SYAP1: variants seen among roughly 807,000 people sequenced by gnomAD.
SYAP1 encodes the protein synapse-associated protein 1.
A neutral mutation model predicts 29.6 loss-of-function variants in SYAP1; 3 were observed. That is an observed-to-expected ratio of 0.10 (90% CI 0.05 to 0.26). The LOEUF (loss-of-function observed/expected upper bound fraction) is 0.26. Ranked by LOEUF, SYAP1 falls within the 10% of genes least tolerant of loss-of-function variation. The pLI is 1.00. For synonymous variants in SYAP1, 102 were observed against 102.7 expected (o/e 0.99, Z 0.04); for missense variants, 217 against 264.1 (o/e 0.82, Z 1.24).
In SYAP1 at chrX:16,762,009, C is replaced by G. The variant is rs914348264; in HGVS notation, c.*1650C>G. ...GTCTCTTGGGTTATAGCAGTAAACC[C>G]GTGTATTCCATGAAACCACTGGGCC... On this transcript the variant is annotated 3_prime_UTR_variant, in exon 9 of 9. Coordinates refer to ENST00000380155, the MANE Select transcript of SYAP1 (RefSeq NM_032796.4). The G allele has an allele frequency of 4.5e-5, 5 of 111,554 alleles. No homozygotes were observed. 9.2% of individuals were successfully genotyped at this position (111,554 alleles called of 1,213,427 possible). A position where few individuals can be genotyped will look rare whatever the true frequency, so the allele number is the denominator to read the frequency against.
intron 1 of SYAP1, among the ~76,000 whole-genome samples, chrX:16,724,110 G>C (rs768855221): frequency 2.7e-5 from 3 of 112,223 alleles, no homozygotes; most frequent in Non-Finnish European, 5.6e-5. Context: ...ATTCATGGCC[G>C]TGATGTATTG....
At chrX:16,758,135 C>T (rs1386853878) in intron 8 of SYAP1, among the ~76,000 whole-genome samples, 2 of 110,797 alleles carry the variant, frequency 1.8e-5, no homozygotes, top group Non-Finnish European at 3.8e-5. Context: ...CCTCAAACTC[C>T]TAGGCTCACA....
chrX:16,738,697 C>T (rs1926382225), intron 3 of SYAP1, among the ~76,000 whole-genome samples: 1 of 110,990 alleles, frequency 9.0e-6, no homozygotes, highest in African/African-American at 3.3e-5. Flanking sequence ...AAACAGTGCC[C>T]GTTTACCCAA....
chrX:16,745,646 G>A (rs1474593235), intron 5 of SYAP1, among the ~76,000 whole-genome samples: 1 of 108,440 alleles, frequency 9.2e-6, no homozygotes, highest in East Asian at 2.9e-4. Flanking sequence ...TGAGGCAGGA[G>A]AATTGCTTGA....
In SYAP1 at chrX:16,741,737, T is replaced by C; in HGVS notation, c.383T>C (p.Val128Ala). 1 of 1,207,272 alleles carries C rather than the reference T, an allele frequency of 8.3e-7. No homozygotes were observed. Among genetic ancestry groups the C allele is most frequent in the Non-Finnish European group, 1.1e-6 (1 of 893,581 alleles). ...KKSEAAVPPW[V>A]DTNDEETIQQ... ...ATAGAAGCAGCTGTGCCCCCATGGG[T>C]TGACACTAACGATGAAGAAACAATT... Residue 128 changes from valine to alanine, a missense_variant, in exon 4 of 9, where the codon GTT becomes GCT. Physicochemically the swap from Val to Ala is moderately conservative, Grantham distance 64. Coordinates refer to ENST00000380155, the MANE Select transcript of SYAP1 (RefSeq NM_032796.4).
chrX:16,756,806 A>G, intron 7 of SYAP1, 85 bp downstream of exon 7: 2 of 918,916 alleles, frequency 2.2e-6, no homozygotes, highest in Non-Finnish European at 3.1e-6. Flanking sequence ...ATTTAAAACT[A>G]TGTATGAATA....
At chrX:16,753,934 G>T (rs908587830) in intron 5 of SYAP1, among the ~76,000 whole-genome samples, 1 of 110,169 alleles carries the variant, frequency 9.1e-6, no homozygotes, top group African/African-American at 3.3e-5. Context: ...TCCCTGCTTG[G>T]TTCTCACTCT....
At chrX:16,740,756 A>G (rs190492858) in intron 3 of SYAP1, among the ~76,000 whole-genome samples, 1 of 111,303 alleles carries the variant, frequency 9.0e-6, no homozygotes, top group African/African-American at 3.3e-5. Context: ...GGCATTAGGA[A>G]ATTTCACCTT....
chrX:16,741,288 C>T (rs1248146876), intron 3 of SYAP1, among the ~76,000 whole-genome samples: 1 of 111,118 alleles, frequency 9.0e-6, no homozygotes, highest in Non-Finnish European at 1.9e-5. Flanking sequence ...AGCCTTGACT[C>T]CTGGGTTCAG....
In SYAP1 at chrX:16,764,693, G is replaced by T. The variant is rs1927060074; in HGVS notation, c.*4334G>T. The T allele has an allele frequency of 9.3e-6, 1 of 107,400 alleles. No individual in the cohort carries two copies. The highest frequency in any genetic ancestry group is 4.1e-4 in the South Asian group (1 of 2,461). 8.9% of individuals were successfully genotyped at this position (107,400 alleles called of 1,213,427 possible). On this transcript the variant is annotated 3_prime_UTR_variant, in exon 9 of 9. Transcript: ENST00000380155. Reference sequence around the variant, plus strand: ...TCAACTTTTAAAAATAAAAGTGGTAGAATTTTTTTTTTTCTTTTTGAGACA... The same window carrying T: ...TCAACTTTTAAAAATAAAAGTGGTATAATTTTTTTTTTTCTTTTTGAGACA...
Position 16,719,823 on chromosome X carries a change from G to A in SYAP1, c.99G>A (p.Thr33=), listed in dbSNP as rs148488883. Residue 33 remains threonine (T), a synonymous_variant, in exon 1 of 9, where the codon ACG becomes ACA. Coordinates refer to ENST00000380155, the MANE Select transcript of SYAP1 (RefSeq NM_032796.4). ...CTCCACCCGAGCAGCCGTCCGAGAC[G>A]GTGGCTGAGTCTGCGGAGGAGGAGC... ...GDAPPEQPSE[T]VAESAEEELQ... 1.1e-3 allele frequency: 1,332 copies of A among 1,197,706 alleles called. 13 individuals are homozygous for A. The African/African-American group carries it at 0.02, about 18-fold the overall frequency.
chrX:16,761,320 A>G lies in SYAP1; in HGVS notation c.*961A>G, dbSNP rs1218858825. The stretch of plus-strand genomic sequence containing the variant: ...AAATTTTACATCACAGTTTTTATAC[A>G]AAGTGGGACCTTCCATACTTTTTGT... On this transcript the variant is annotated 3_prime_UTR_variant, in exon 9 of 9. Coordinates refer to ENST00000380155, the MANE Select transcript of SYAP1 (RefSeq NM_032796.4). 2 of 110,539 alleles carry G rather than the reference A, an allele frequency of 1.8e-5. No individual in the cohort carries two copies. The highest frequency in any genetic ancestry group is 3.8e-5 in the Non-Finnish European group (2 of 52,968). 9.1% of individuals were successfully genotyped at this position (110,539 alleles called of 1,213,427 possible). A position where few individuals can be genotyped will look rare whatever the true frequency, so the allele number is the denominator to read the frequency against.
intron 4 of SYAP1, among the ~76,000 whole-genome samples, 183 bp downstream of exon 4, chrX:16,741,972 TA>T (rs1477094192): frequency 9.2e-6 from 1 of 109,150 alleles, no homozygotes. Context: ...ATTTATTTTT[TA>T]TTTTTTTTTT....
At chrX:16,759,243 T>A (rs1926926604) in intron 8 of SYAP1, among the ~76,000 whole-genome samples, 2 of 105,607 alleles carry the variant, frequency 1.9e-5, no homozygotes, top group African/African-American at 7.0e-5. Context: ...CAGGCACCTG[T>A]AATCCCAGCT....
intron 1 of SYAP1, among the ~76,000 whole-genome samples, chrX:16,720,545 TAGTG>T (rs781320211): frequency 1.5e-4 from 17 of 112,498 alleles, no homozygotes; most frequent in Admixed American, 1.0e-3. Flanking sequence ...GTTATACTGA[TAGTG>T]AGTGGTAGAA....
chrX:16,752,684 T>G (rs1926762643), intron 5 of SYAP1, among the ~76,000 whole-genome samples: 1 of 111,033 alleles, frequency 9.0e-6, no homozygotes, highest in Non-Finnish European at 1.9e-5. Context: ...GGTTTTCATG[T>G]CTCATCAATC....
At chrX:16,744,772 C>T (rs2147429466) in intron 5 of SYAP1, among the ~76,000 whole-genome samples, 1 of 111,167 alleles carries the variant, frequency 9.0e-6, no homozygotes, top group African/African-American at 3.3e-5. Context: ...CGAGACCAGC[C>T]TGGGCAACAT....
chrX:16,761,402 C>G lies in SYAP1; in HGVS notation c.*1043C>G, dbSNP rs1173590530. ...TAAAGTCTGTTGTTCTTGTTTTAAT[C>G]ATCACCACATATAAATGTTTTAGCT... On this transcript the variant is annotated 3_prime_UTR_variant, in exon 9 of 9. Coordinates refer to ENST00000380155, the MANE Select transcript of SYAP1 (RefSeq NM_032796.4). 9.0e-6 allele frequency: 1 copy of G among 111,120 alleles called. No individual in the cohort carries two copies. The highest frequency in any genetic ancestry group is 1.9e-5 in the Non-Finnish European group (1 of 53,109). 9.2% of individuals were successfully genotyped at this position (111,120 alleles called of 1,213,427 possible).
intron 1 of SYAP1, among the ~76,000 whole-genome samples, chrX:16,721,350 T>A (rs977883962): frequency 9.5e-6 from 1 of 105,460 alleles, no homozygotes; most frequent in Non-Finnish European, 2.0e-5. Context: ...TCCTACCTTA[T>A]CCTCTCCAGT....
Sources: allele counts gnomAD v4.1 joint callset (sites outside exome capture counted in the v4.1 genomes callset), GRCh38; gene constraint gnomAD v4.1.1; transcripts MANE v1.5; gene names NCBI Gene and HGNC (gene_info 2026-07-23, HGNC 2026-07-21).